Variants in TRAPPC12 observed in about 807,000 individuals in gnomAD.
TRAPPC12 encodes TPR repeat protein 15.
In TRAPPC12, 61 loss-of-function variants were observed where a neutral mutation model predicts 69.2. That is an observed-to-expected ratio of 0.88 (90% confidence interval 0.72 to 1.09). TRAPPC12 has a LOEUF of 1.09. Among genes scored for constraint, TRAPPC12 ranks in the 50% least tolerant of loss-of-function variants. The pLI is 0.00. For missense variants in TRAPPC12, 1,101 were observed against 1,016.4 expected (o/e 1.08, Z -1.13); for synonymous variants, 469 against 438.9 (o/e 1.07, Z -0.86).
chr2:3,418,038 CAA>C (rs1158063900), intron 3 of TRAPPC12, among the ~76,000 whole-genome samples: 1 of 70,236 alleles, frequency 1.4e-5, no homozygotes, highest in Non-Finnish European at 2.8e-5. Context: ...GACTCTGTCT[CAA>C]AAAAAAAAAA....
At chr2:3,454,169 G>A (rs376139068) in intron 6 of TRAPPC12, among the ~76,000 whole-genome samples, 150 of 152,354 alleles carry the variant, frequency 9.8e-4, no homozygotes, top group African/African-American at 3.5e-3. Flanking sequence ...CGTTTTGTGT[G>A]TCCCTCTGCC....
chr2:3,433,652 C>T (rs1251218326), intron 5 of TRAPPC12, among the ~76,000 whole-genome samples: 1 of 152,188 alleles, frequency 6.6e-6, no homozygotes, highest in African/African-American at 2.4e-5. Flanking sequence ...CAATTCCTGG[C>T]ACATTTCTCT....
At chr2:3,452,368 C>T (rs1664895305) in intron 6 of TRAPPC12, among the ~76,000 whole-genome samples, 3 of 152,178 alleles carry the variant, frequency 2.0e-5, no homozygotes, top group African/African-American at 2.4e-5. Context: ...TTTTGTCAGA[C>T]GAGTCACTAA....
intron 5 of TRAPPC12, among the ~76,000 whole-genome samples, chr2:3,427,017 G>A (rs951044253): frequency 6.6e-6 from 1 of 152,220 alleles, no homozygotes; most frequent in Non-Finnish European, 1.5e-5. Flanking sequence ...AAAGAATGGG[G>A]AGCCTGTCAC....
intron 8 of TRAPPC12, among the ~76,000 whole-genome samples, chr2:3,462,179 T>C (rs897243609): frequency 2.0e-5 from 3 of 152,248 alleles, no homozygotes; most frequent in Non-Finnish European, 4.4e-5. Context: ...GACACATTAA[T>C]AGAAAACGAC....
intron 5 of TRAPPC12, among the ~76,000 whole-genome samples, chr2:3,441,701 A>C (rs955758253): frequency 1.3e-5 from 2 of 149,224 alleles, no homozygotes; most frequent in Non-Finnish European, 3.0e-5. Flanking sequence ...TCTTATAATA[A>C]AATAATATTT....
intron 6 of TRAPPC12, among the ~76,000 whole-genome samples, chr2:3,446,961 G>T (rs1016315925): frequency 6.6e-6 from 1 of 152,208 alleles, no homozygotes; most frequent in Admixed American, 6.5e-5. Flanking sequence ...CAAGAAGTGT[G>T]TATTAGTCCA....
rs563894487 is a variant in TRAPPC12, at chr2:3,465,512, C to G, written c.1678-85C>G. The G allele has an allele frequency of 9.9e-5, 92 of 928,478 alleles. No individual in the cohort carries two copies. In the African/African-American group the frequency reaches 1.4e-3, roughly 15 times the overall value. 57.5% of individuals were successfully genotyped at this position (928,478 alleles called of 1,614,324 possible). A position where few individuals can be genotyped will look rare whatever the true frequency, so the allele number is the denominator to read the frequency against. The stretch of plus-strand genomic sequence containing the variant: ...AGCGTGTCCTCTCTCTACACCGCGT[C>G]TGTATACACTTGTGCTCTTCTACAC... On this transcript the variant is annotated intron_variant, in intron 8 of 11. Coordinates refer to ENST00000324266, the MANE Select transcript of TRAPPC12 (RefSeq NM_016030.6).
At chr2:3,441,187 G>A (rs531759738) in intron 5 of TRAPPC12, among the ~76,000 whole-genome samples, 1 of 152,140 alleles carries the variant, frequency 6.6e-6, no homozygotes, top group East Asian at 1.9e-4. Context: ...TTGGTATTAG[G>A]GTAATGCCAG....
chr2:3,379,877 G>C lies in TRAPPC12; in HGVS notation c.-5+1G>C, dbSNP rs1198369192. The C allele has an allele frequency of 1.3e-5, 2 of 152,512 alleles. No individual in the cohort carries two copies. The highest frequency in any genetic ancestry group is 2.9e-5 in the Non-Finnish European group (2 of 68,260). The allele number at this position is 152,512 out of a possible 1,614,324, so 9.4% of individuals were successfully genotyped here. A position where few individuals can be genotyped will look rare whatever the true frequency, so the allele number is the denominator to read the frequency against. ...CCCAGCTCCAGTGGGCGGGTGGCAG[G>C]TGAGGATCAGGGCCTCGGCAGTCCA... On this transcript the variant is annotated splice_donor_variant, in intron 1 of 11. Coordinates refer to ENST00000324266, the MANE Select transcript of TRAPPC12 (RefSeq NM_016030.6). LOFTEE classifies it low-confidence loss of function (5UTR_SPLICE).
intron 5 of TRAPPC12, among the ~76,000 whole-genome samples, chr2:3,428,238 CATT>C (rs1317305646): frequency 2.0e-5 from 3 of 152,232 alleles, no homozygotes; most frequent in Admixed American, 6.5e-5. Flanking sequence ...AGCTACGCAT[CATT>C]GAGAAGCTAA....
chr2:3,388,071 G>GA lies in TRAPPC12; in HGVS notation c.449dup (p.Pro151AlafsTer141). ...CAGCGAAGCCGCGCGCCCGGAGCAG[G>GA]AGCCTCCCGTTGCGGAGCCGGTCCC... On this transcript the variant is annotated frameshift_variant, in exon 2 of 12. Coordinates refer to ENST00000324266, the MANE Select transcript of TRAPPC12 (RefSeq NM_016030.6). LOFTEE classifies it high-confidence loss of function. 2.0e-6 allele frequency: 3 copies of GA among 1,529,400 alleles called. No homozygotes were observed. Among genetic ancestry groups the GA allele is most frequent in the Non-Finnish European group, 1.7e-6 (2 of 1,143,074 alleles). 94.7% of individuals were successfully genotyped at this position (1,529,400 alleles called of 1,614,324 possible). A position where few individuals can be genotyped will look rare whatever the true frequency, so the allele number is the denominator to read the frequency against.
intron 5 of TRAPPC12, among the ~76,000 whole-genome samples, chr2:3,433,169 A>G (rs758120381): frequency 6.6e-6 from 1 of 152,198 alleles, no homozygotes; most frequent in Non-Finnish European, 1.5e-5. Flanking sequence ...AGCGTTGAGC[A>G]CAGGCAAACC....
At chr2:3,458,574 TGTG>T (rs1453787722) in intron 7 of TRAPPC12, 1 of 463,868 alleles carries the variant, frequency 2.2e-6, no homozygotes, top group Non-Finnish European at 2.8e-6. Context: ...GTGGTGTGGG[TGTG>T]GTGTGTGCAT....
At chr2:3,476,939 G>A (rs11692184) in intron 9 of TRAPPC12, among the ~76,000 whole-genome samples, 45,456 of 152,182 alleles carry the variant, frequency 0.3, 7,047 homozygotes, top group East Asian at 0.48. Context: ...TCGTGAGCGC[G>A]GCTTGGGCCA....
chr2:3,429,047 G>T (rs35251841), intron 5 of TRAPPC12, among the ~76,000 whole-genome samples: 53,648 of 152,054 alleles, frequency 0.35, 9,519 homozygotes, highest in Middle Eastern at 0.44. Context: ...CTGCAAGCGG[G>T]AGAGGTGGAA....
chr2:3,468,692 C>T (rs1665931900), intron 9 of TRAPPC12, among the ~76,000 whole-genome samples: 1 of 152,186 alleles, frequency 6.6e-6, no homozygotes, highest in Non-Finnish European at 1.5e-5. Flanking sequence ...GGGCAGCCAC[C>T]CCATAGAGTG....
At chr2:3,413,337 T>C (rs906244413) in intron 3 of TRAPPC12, among the ~76,000 whole-genome samples, 2 of 152,218 alleles carry the variant, frequency 1.3e-5, no homozygotes, top group Non-Finnish European at 2.9e-5. Context: ...AAGGATTATC[T>C]CATTATCTTC....
intron 5 of TRAPPC12, among the ~76,000 whole-genome samples, chr2:3,429,174 A>G (rs1663287954): frequency 6.6e-6 from 1 of 152,172 alleles, no homozygotes; most frequent in Admixed American, 6.5e-5. Flanking sequence ...GATTGTCCAC[A>G]TCTTTTCATT....
Sources: allele counts gnomAD v4.1 joint callset (sites outside exome capture counted in the v4.1 genomes callset), GRCh38; gene constraint gnomAD v4.1.1; transcripts MANE v1.5; gene names NCBI Gene and HGNC (gene_info 2026-07-23, HGNC 2026-07-21).